CTNS: variants seen among roughly 807,000 people sequenced by gnomAD.
CTNS encodes the protein cystinosin, lysosomal cystine transporter.
A neutral mutation model predicts 43.7 loss-of-function variants in CTNS; 27 were observed. The ratio of observed to expected loss-of-function variants is 0.62; its 90% CI spans 0.46 to 0.85. The LOEUF is 0.85. Ranked by LOEUF, CTNS falls within the 40% of genes least tolerant of loss-of-function variation. CTNS has a pLI of 0.00. For synonymous variants in CTNS, 187 were observed against 190.6 expected (o/e 0.98, Z 0.16); for missense variants, 457 against 475.4 (o/e 0.96, Z 0.36).
intron 10 of CTNS, among the ~76,000 whole-genome samples, chr17:3,659,253 G>A (rs1284156782): frequency 3.3e-5 from 5 of 152,178 alleles, no homozygotes; most frequent in Admixed American, 6.5e-5. Context: ...ATGGGAGGAC[G>A]TGGGGCACAG....
At position 3,656,480 on chromosome 17, in the gene CTNS, C is replaced by A. The variant is rs189632527; in HGVS notation, c.462-7C>A. ...CCTGCCCTGTCTTGTCCCTCCACCC[C>A]CTGCAGTGTCATTGGTCTGAGCTTC... On this transcript the variant is annotated splice_polypyrimidine_tract_variant and splice_region_variant and intron_variant, in intron 7 of 11. Transcript: ENST00000046640. The A allele has an allele frequency of 4.6e-3, 7,298 of 1,585,604 alleles. 30 individuals carry two copies. Among genetic ancestry groups the A allele is most frequent in the Non-Finnish European group, 5.5e-3 (6,469 of 1,171,582 alleles).
intron 10 of CTNS, among the ~76,000 whole-genome samples, chr17:3,658,893 G>A (rs942527552): frequency 8.5e-5 from 13 of 152,298 alleles, no homozygotes; most frequent in African/African-American, 2.6e-4. Flanking sequence ...GACACGGGGC[G>A]GCAGTGAGGG....
At chr17:3,640,149 C>A in intron 2 of CTNS, 39 bp from the exon 3 acceptor site, 1 of 1,537,546 alleles carries the variant, frequency 6.5e-7, no homozygotes, top group African/African-American at 1.4e-5. Flanking sequence ...GCTGATTCAA[C>A]ATTCCCCTGA....
chr17:3,647,727 T>G, intron 4 of CTNS: 1 of 612,834 alleles, frequency 1.6e-6, no homozygotes. Flanking sequence ...AGTCCTCACT[T>G]TCCCTGGCAG....
At chr17:3,654,867 G>C (rs1325515609) in intron 5 of CTNS, 131 bp from the exon 6 acceptor site, 1 of 779,570 alleles carries the variant, frequency 1.3e-6, no homozygotes, top group Non-Finnish European at 2.3e-6. Context: ...CTTTTGCTTA[G>C]TAAGCTCTTG....
chr17:3,636,842 A>G lies in CTNS; in HGVS notation c.-230+11A>G, dbSNP rs116000219. The G allele has an allele frequency of 0.032, 4,802 of 152,404 alleles. 247 individuals are homozygous for G. The highest frequency in any genetic ancestry group is 0.1 in the African/African-American group (4,347 of 41,546). The allele number at this position is 152,404 out of a possible 1,614,324, so 9.4% of individuals were successfully genotyped here. ...CCTGGGGGCGCTCAGGTGAGAGCGG[A>G]CGCGGCCTCCCCTGTTTCCCAGGCG... On this transcript the variant is annotated intron_variant, in intron 1 of 11. Transcript: ENST00000046640.
intron 5 of CTNS, 152 bp downstream of exon 5, chr17:3,649,083 G>A (rs1479001916): frequency 1.5e-5 from 11 of 718,008 alleles, no homozygotes; most frequent in Non-Finnish European, 2.5e-5. Flanking sequence ...TTTTGGGGAT[G>A]AGTATCACAT....
chr17:3,653,344 C>T (rs1469584056), intron 5 of CTNS, among the ~76,000 whole-genome samples: 4 of 152,066 alleles, frequency 2.6e-5, no homozygotes, highest in Admixed American at 2.0e-4. Context: ...ACCCTGGGGG[C>T]GGAGATTGCA....
chr17:3,654,862 G>C, intron 5 of CTNS, 136 bp from the exon 6 acceptor site: 1 of 768,638 alleles, frequency 1.3e-6, no homozygotes, highest in Non-Finnish European at 2.4e-6. Flanking sequence ...CTCTCCTTTT[G>C]CTTAGTAAGC....
At position 3,660,441 on chromosome 17, in the gene CTNS, G is replaced by A. The variant is rs1426337434; in HGVS notation, c.*72G>A. 34 of 1,613,502 alleles carry A rather than the reference G, an allele frequency of 2.1e-5. No individual in the cohort carries two copies. In the Admixed American group the frequency reaches 2.5e-4, roughly 12 times the overall value. Reference sequence around the variant, plus strand: ...GGGAAGGCCTCACCCAGCGAAGGCCGGAGAAGCGGTTGGGCCCTGGCACAC... The same window carrying A: ...GGGAAGGCCTCACCCAGCGAAGGCCAGAGAAGCGGTTGGGCCCTGGCACAC... On this transcript the variant is annotated 3_prime_UTR_variant, in exon 12 of 12. Transcript: ENST00000046640.
chr17:3,657,482 A>C, intron 9 of CTNS: 1 of 209,190 alleles, frequency 4.8e-6, no homozygotes, highest in South Asian at 8.4e-5. Flanking sequence ...CCCCACCCGT[A>C]TGAACCTTCT....
chr17:3,660,233 C>T lies in CTNS; in HGVS notation c.971-3C>T. ...CCAGCTTCTGTCCCCCGGCTGCTAA[C>T]AGACCAGTGGACGCTGATCTTCGGA... is the stretch of plus-strand genomic sequence containing the variant. On this transcript the variant is annotated splice_region_variant and splice_polypyrimidine_tract_variant and intron_variant, in intron 11 of 11. Transcript: ENST00000046640. 6.2e-7 allele frequency: 1 copy of T among 1,614,210 alleles called. No homozygotes were observed. Among genetic ancestry groups the T allele is most frequent in the Non-Finnish European group, 8.5e-7 (1 of 1,180,048 alleles).
rs147428183 is a variant in CTNS, at chr17:3,660,294, C to G, written c.1029C>G (p.Ile343Met). 1 of 1,614,232 alleles carries G rather than the reference C, an allele frequency of 6.2e-7. No homozygotes were observed. The highest frequency in any genetic ancestry group is 1.1e-5 in the South Asian group (1 of 91,090). ...AGTTTGGACTCGGGGTCTTCTCCAT[C>G]GTCTTCGACGTCGTCTTCTTCATCC... ...PTKFGLGVFS[I>M]VFDVVFFIQH... Residue 343 changes from isoleucine to methionine, a missense_variant, in exon 12 of 12, where the codon ATC becomes ATG. Transcript: ENST00000046640.
intron 11 of CTNS, 130 bp from the exon 12 acceptor site, chr17:3,660,106 C>T (rs2076251660): frequency 1.0e-5 from 15 of 1,454,438 alleles, no homozygotes; most frequent in Non-Finnish European, 6.7e-6. Context: ...AAGGAGAGAC[C>T]CACCTAGGGG....
Position 3,656,597 on chromosome 17 carries a change from G to A in CTNS, c.561+11G>A. ...GTGCCCTACATCAAGGTACGGCCTT[G>A]CCTGCCCTACATCTCTGCCCACATG... On this transcript the variant is annotated intron_variant, in intron 8 of 11. Coordinates refer to ENST00000046640, the MANE Select transcript of CTNS (RefSeq NM_004937.3). 1 of 1,611,666 alleles carries A rather than the reference G, an allele frequency of 6.2e-7. No individual in the cohort carries two copies. The highest frequency in any genetic ancestry group is 8.5e-7 in the Non-Finnish European group (1 of 1,179,382).
intron 6 of CTNS, 23 bp from the exon 7 acceptor site, chr17:3,655,198 C>G (rs1597647395): frequency 6.2e-7 from 1 of 1,614,172 alleles, no homozygotes. Context: ...TCAGCTCATC[C>G]CGGTCCCCAA....
intron 3 of CTNS, among the ~76,000 whole-genome samples, chr17:3,646,717 G>A (rs555313304): frequency 2.6e-5 from 4 of 152,186 alleles, no homozygotes; most frequent in East Asian, 1.9e-4. Flanking sequence ...GTTTCTAAGC[G>A]TGAGCCACCA....
At chr17:3,655,537 A>G (rs1181981458) in intron 7 of CTNS, 185 bp downstream of exon 7, 2 of 821,774 alleles carry the variant, frequency 2.4e-6, no homozygotes, top group South Asian at 1.5e-5. Context: ...TGGGCGTTTC[A>G]TCCCTTGCCC....
intron 3 of CTNS, among the ~76,000 whole-genome samples, chr17:3,646,190 G>C (rs903180258): frequency 1.3e-5 from 2 of 152,182 alleles, no homozygotes; most frequent in East Asian, 1.9e-4. Context: ...CCTGGGAGCA[G>C]AGGCTGGGAC....
Sources: gnomAD v4.1 joint callset for allele counts (sites outside exome capture counted in the v4.1 genomes callset) on GRCh38, gnomAD v4.1.1 for gene constraint, MANE v1.5 for transcripts, NCBI Gene and HGNC (gene_info 2026-07-23, HGNC 2026-07-21) for gene names.